The following SGCA variants were observed in gnomAD, a reference collection of about 807,000 sequenced individuals.
SGCA encodes the protein sarcoglycan alpha.
Under a neutral mutation model 38.1 loss-of-function variants are expected in SGCA, and 34 were observed. The ratio of observed to expected loss-of-function variants is 0.89; its 90% confidence interval spans 0.68 to 1.19. The LOEUF (loss-of-function observed/expected upper bound fraction) is 1.19, where lower values mean the gene tolerates loss of function less well. Ranked by LOEUF, SGCA falls within the 50% of genes most tolerant of loss-of-function variation. The pLI is 0.00. For missense variants in SGCA, 476 were observed against 524.9 expected (o/e 0.91, Z 0.91); for synonymous variants, 209 against 214.6 (o/e 0.97, Z 0.23).
At position 50,167,577 on chromosome 17, in the gene SGCA, A is replaced by G; in HGVS notation, c.158-5A>G. 1 of 1,613,382 alleles carries G rather than the reference A, an allele frequency of 6.2e-7. No homozygotes were observed. Among genetic ancestry groups the G allele is most frequent in the Non-Finnish European group, 8.5e-7 (1 of 1,179,960 alleles). ...ACTCGAATCCCCTCTCCTCGCTTCC[A>G]CCAGCTGTCCCACCCGCTGTCCACA... On this transcript the variant is annotated splice_polypyrimidine_tract_variant and splice_region_variant and intron_variant, in intron 2 of 9. Coordinates refer to ENST00000262018, the MANE Select transcript of SGCA (RefSeq NM_000023.4). This position sits in a 1 kb window ranked among gnomAD's most constrained non-coding sequence, Gnocchi z 4.5.
intron 8 of SGCA, chr17:50,172,299 G>C (rs1236593685): frequency 4.4e-6 from 2 of 456,428 alleles, no homozygotes; most frequent in African/African-American, 2.0e-5. Flanking sequence ...CCAGAATTCT[G>C]TGTGGGTCAC....
chr17:50,167,092 GTCCCT>G lies in SGCA; in HGVS notation c.38-275_38-271del, dbSNP rs1904954261. Among the ~76,000 whole-genome samples the G allele has an allele frequency of 6.6e-6, 1 of 151,456 alleles. No homozygotes were observed. The highest frequency in any genetic ancestry group is 1.5e-5 in the Non-Finnish European group (1 of 67,852). The stretch of plus-strand genomic sequence containing the variant: ...ACACACACTTCCCAGTCAAACATCA[GTCCCT>G]GCCCACTGCACCATTAATAGGGGCC... On this transcript the variant is annotated intron_variant, in intron 1 of 9. Transcript: ENST00000262018. The surrounding 1 kb of genome is among the most constrained non-coding windows in gnomAD (Gnocchi z 4.5).
At position 50,170,253 on chromosome 17, in the gene SGCA, C is replaced by T. The variant is rs1356764480; in HGVS notation, c.858C>T (p.Phe286=). Residue 286 remains phenylalanine, a synonymous_variant, in exon 7 of 10, where the codon TTC becomes TTT. Transcript: ENST00000262018. ...CPPTEAPDRD[F]LVDALVTLLV... Reference sequence around the variant, plus strand: ...CCACTGAGGCCCCAGACCGTGACTTCTTGGTGGATGCTCTGGTCACCCTCC... The same window carrying T: ...CCACTGAGGCCCCAGACCGTGACTTTTTGGTGGATGCTCTGGTCACCCTCC... 1 of 1,614,236 alleles carries T rather than the reference C, an allele frequency of 6.2e-7. No homozygotes were observed. The highest frequency in any genetic ancestry group is 1.7e-5 in the Admixed American group (1 of 60,026).
intron 6 of SGCA, 175 bp from the exon 7 acceptor site, chr17:50,169,968 G>C: frequency 1.5e-6 from 1 of 666,294 alleles, no homozygotes; most frequent in Non-Finnish European, 2.7e-6. Context: ...GCACTTGTCT[G>C]AGTCTGGATT....
At chr17:50,170,584 G>A in intron 7 of SGCA, 56 bp from the exon 8 acceptor site, 1 of 1,542,924 alleles carries the variant, frequency 6.5e-7, no homozygotes, top group African/African-American at 1.4e-5. Context: ...GGAGCCCTGG[G>A]GCACCTTGGG....
rs145697858 is a variant in SGCA at position 50,167,963 on chromosome 17, G to A, written c.329G>A (p.Arg110Gln). 5.7e-4 allele frequency: 924 copies of A among 1,614,068 alleles called. 2 individuals carry two copies. The highest frequency in any genetic ancestry group is 4.0e-4 in the Non-Finnish European group (468 of 1,180,002). Residue 110 changes from arginine to glutamine, a missense_variant, in exon 4 of 10, where the codon CGG (arginine) becomes CAG (glutamine). By Grantham distance (43) the Arg-to-Gln change is conservative. Transcript: ENST00000262018. The surrounding 1 kb of genome is among the most constrained non-coding windows in gnomAD (Gnocchi z 4.5). ...LQVIEVTAYNRDSFDTTRQRL... is the reference protein window; with the variant it reads ...LQVIEVTAYNQDSFDTTRQRL... The stretch of plus-strand genomic sequence containing the variant: ...ATCCCCCAGGTCACAGCCTACAATC[G>A]GGACAGCTTTGATACCACTCGGCAG...
intron 8 of SGCA, chr17:50,172,472 C>T (rs901362624): frequency 6.2e-6 from 2 of 322,680 alleles, no homozygotes; most frequent in Admixed American, 4.0e-5. Context: ...CATGCCTGGG[C>T]GGATTTTATT....
chr17:50,175,310 A>AGATG lies in SGCA; in HGVS notation c.1039_1042dup (p.Ala348AspfsTer23), dbSNP rs1598277713. The AGATG allele has an allele frequency of 6.2e-7, 1 of 1,609,342 alleles. No individual in the cohort carries two copies. The highest frequency in any genetic ancestry group is 8.5e-7 in the Non-Finnish European group (1 of 1,178,642). On this transcript the variant is annotated frameshift_variant, in exon 9 of 10. Transcript: ENST00000262018. LOFTEE classifies it high-confidence loss of function. ...CACGGGAACACAGAGGAGCTGCGGC[A>AGATG]GATGGCGGCCAGCCGCGAGGTGCCC...
In SGCA at chr17:50,167,944, C is replaced by T. The variant is rs1905060607; in HGVS notation, c.313-3C>T. The T allele has an allele frequency of 1.2e-6, 2 of 1,614,114 alleles. No individual in the cohort carries two copies. The highest frequency in any genetic ancestry group is 1.7e-6 in the Non-Finnish European group (2 of 1,179,940). ...CTTCTCAGATGTCTTTCCCATCCCC[C>T]AGGTCACAGCCTACAATCGGGACAG... On this transcript the variant is annotated splice_region_variant and splice_polypyrimidine_tract_variant and intron_variant, in intron 3 of 9. Coordinates refer to ENST00000262018, the MANE Select transcript of SGCA (RefSeq NM_000023.4). This position sits in a 1 kb window ranked among gnomAD's most constrained non-coding sequence, Gnocchi z 4.5.
chr17:50,166,013 C>G lies in SGCA; in HGVS notation c.-28C>G, dbSNP rs754969463. On this transcript the variant is annotated 5_prime_UTR_variant, in exon 1 of 10. Coordinates refer to ENST00000262018, the MANE Select transcript of SGCA (RefSeq NM_000023.4). The stretch of plus-strand genomic sequence containing the variant: ...TCCTCCCTGCCCCCTGTCTCTGTCA[C>G]TCACCGGGCGGGCCAGGCCGGGCAG... 1.9e-6 allele frequency: 3 copies of G among 1,608,042 alleles called. No individual in the cohort carries two copies. The highest frequency in any genetic ancestry group is 2.6e-6 in the Non-Finnish European group (3 of 1,174,792).
intron 6 of SGCA, chr17:50,169,532 G>A: frequency 2.0e-6 from 1 of 506,448 alleles, no homozygotes; most frequent in East Asian, 3.5e-5. Flanking sequence ...CCCCAGATCT[G>A]CCCAGGTCAA....
chr17:50,171,458 T>C lies in SGCA; in HGVS notation c.983+792T>C, dbSNP rs1443210705. 2.4e-5 allele frequency: 11 copies of C among 456,106 alleles called. No individual in the cohort carries two copies. The East Asian group carries it at 7.6e-4, about 32-fold the overall frequency. The allele number at this position is 456,106 out of a possible 1,614,324, so 28.3% of individuals were successfully genotyped here. The stretch of plus-strand genomic sequence containing the variant: ...TAAGTTATGTTCCTTTTATTCCCAC[T>C]GCACTGAGCCAATGGCGGTCTTGGC... On this transcript the variant is annotated intron_variant, in intron 8 of 9. Transcript: ENST00000262018.
Position 50,170,559 on chromosome 17 carries a change from A to G in SGCA, c.957-81A>G. ...GGGCATTGTGGATAATTGCACACAG[A>G]CCTCCACTCACATTGGAGCCCTGGG... is the stretch of plus-strand genomic sequence containing the variant. On this transcript the variant is annotated intron_variant, in intron 7 of 9. Coordinates refer to ENST00000262018, the MANE Select transcript of SGCA (RefSeq NM_000023.4). The G allele has an allele frequency of 6.9e-6, 10 of 1,439,488 alleles. No homozygotes were observed. The South Asian group carries it at 1.1e-4, about 16-fold the overall frequency. 89.2% of individuals were successfully genotyped at this position (1,439,488 alleles called of 1,614,324 possible).
chr17:50,171,341 C>T (rs1023010692), intron 8 of SGCA: 2 of 360,686 alleles, frequency 5.5e-6, no homozygotes, highest in South Asian at 4.1e-5. Context: ...GGCCTGGTTT[C>T]CCCTACTCAT....
At position 50,167,241 on chromosome 17, in the gene SGCA, G is replaced by A. The variant is rs1904966485; in HGVS notation, c.38-127G>A. On this transcript the variant is annotated intron_variant, in intron 1 of 9. Coordinates refer to ENST00000262018, the MANE Select transcript of SGCA (RefSeq NM_000023.4). This position sits in a 1 kb window ranked among gnomAD's most constrained non-coding sequence, Gnocchi z 4.5. ...CCATCCCCACCCCAATCCCTTCCTG[G>A]GAGGCAGCAAAGGAAGCGCTTCTCT... is the stretch of plus-strand genomic sequence containing the variant. 3 of 1,351,644 alleles carry A rather than the reference G, an allele frequency of 2.2e-6. No homozygotes were observed. Among genetic ancestry groups the A allele is most frequent in the African/African-American group, 2.9e-5 (2 of 69,866 alleles). 83.7% of individuals were successfully genotyped at this position (1,351,644 alleles called of 1,614,324 possible). A position where few individuals can be genotyped will look rare whatever the true frequency, so the allele number is the denominator to read the frequency against.
intron 6 of SGCA, 71 bp downstream of exon 6, chr17:50,169,325 G>T: frequency 2.2e-6 from 3 of 1,341,446 alleles, no homozygotes; most frequent in Admixed American, 2.0e-5. Flanking sequence ...TCCCTCCCAT[G>T]CTGCTTCCTA....
chr17:50,169,521 G>T lies in SGCA; in HGVS notation c.747+267G>T, dbSNP rs1217360351. On this transcript the variant is annotated intron_variant, in intron 6 of 9. Coordinates refer to ENST00000262018, the MANE Select transcript of SGCA (RefSeq NM_000023.4). ...CGCATGTGGGGTCTCCAACTCCCGCGCCCCAGATCTGCCCAGGTCAACAGC... is the reference window on the plus strand; with the variant it reads ...CGCATGTGGGGTCTCCAACTCCCGCTCCCCAGATCTGCCCAGGTCAACAGC... 27 of 519,922 alleles carry T rather than the reference G, an allele frequency of 5.2e-5. No homozygotes were observed. In the South Asian group the frequency reaches 5.6e-4, roughly 11 times the overall value. 32.2% of individuals were successfully genotyped at this position (519,922 alleles called of 1,614,324 possible).
intron 6 of SGCA, chr17:50,169,814 A>T: frequency 2.2e-6 from 1 of 458,148 alleles, no homozygotes; most frequent in Admixed American, 3.4e-5. Flanking sequence ...CTGGTAATTG[A>T]CAACATTCTT....
chr17:50,171,473 G>A (rs749799902), intron 8 of SGCA: 17 of 456,418 alleles, frequency 3.7e-5, no homozygotes, highest in Non-Finnish European at 3.1e-5. Context: ...TGAGCCAATG[G>A]CGGTCTTGGC....
Sources: allele counts gnomAD v4.1 joint callset (sites outside exome capture counted in the v4.1 genomes callset), GRCh38; gene constraint gnomAD v4.1.1; non-coding constraint Gnocchi (gnomAD v3.1); transcripts MANE v1.5; gene names NCBI Gene and HGNC (gene_info 2026-07-23, HGNC 2026-07-21).